PARVA: variants seen among roughly 807,000 people sequenced by gnomAD.
The protein encoded by PARVA is parvin alpha, also known as alpha-parvin.
In PARVA, 25 loss-of-function variants were observed where a neutral mutation model predicts 52.6. That is an observed-to-expected ratio of 0.48 (90% confidence interval 0.35 to 0.66). The LOEUF (loss-of-function observed/expected upper bound fraction) is 0.66. Ranked by LOEUF, PARVA falls within the 30% of genes least tolerant of loss-of-function variation. PARVA has a pLI of 0.01. For missense variants in PARVA, 373 were observed against 450.9 expected, an observed-to-expected ratio of 0.83 and a Z score of 1.56; for synonymous variants, 185 against 179.1, an observed-to-expected ratio of 1.03 and a Z score of -0.26.
At chr11:12,435,789 T>TTTG (rs894585917) in intron 1 of PARVA, among the ~76,000 whole-genome samples, 6 of 152,136 alleles carry the variant, frequency 3.9e-5, no homozygotes, top group South Asian at 4.2e-4. Context: ...TCTCTGTTTT[T>TTTG]TTGTTGTTGT....
chr11:12,519,940 G>A (rs998529168), intron 12 of PARVA, among the ~76,000 whole-genome samples: 2 of 152,192 alleles, frequency 1.3e-5, no homozygotes, highest in African/African-American at 4.8e-5. Flanking sequence ...CAGATGATGA[G>A]CACCCTGCTT....
chr11:12,397,461 A>G (rs1209779003), intron 1 of PARVA, among the ~76,000 whole-genome samples: 1 of 152,226 alleles, frequency 6.6e-6, no homozygotes, highest in African/African-American at 2.4e-5. Flanking sequence ...AAATTCTTAG[A>G]GGTGGAATTG....
intron 12 of PARVA, among the ~76,000 whole-genome samples, chr11:12,523,200 T>C (rs1485652722): frequency 6.6e-6 from 1 of 152,112 alleles, no homozygotes; most frequent in Admixed American, 6.5e-5. Context: ...AAAAGGAGCA[T>C]CTGTACAGCA....
At chr11:12,379,739 G>T (rs1939458195) in intron 1 of PARVA, among the ~76,000 whole-genome samples, 1 of 152,194 alleles carries the variant, frequency 6.6e-6, no homozygotes, top group African/African-American at 2.4e-5. Context: ...TCCCTAGATT[G>T]AAACGAGAAG....
intron 1 of PARVA, among the ~76,000 whole-genome samples, chr11:12,396,504 C>T (rs1042195699): frequency 2.0e-5 from 3 of 152,222 alleles, no homozygotes; most frequent in African/African-American, 7.2e-5. Context: ...ATCATTCTCT[C>T]TGAGCTCCAG....
At chr11:12,450,348 T>A (rs1940606101) in intron 1 of PARVA, among the ~76,000 whole-genome samples, 1 of 152,212 alleles carries the variant, frequency 6.6e-6, no homozygotes. Flanking sequence ...TTTGTGTATT[T>A]CTTAGATTAA....
intron 4 of PARVA, among the ~76,000 whole-genome samples, chr11:12,481,976 C>A (rs1041814228): frequency 1.3e-5 from 2 of 151,510 alleles, no homozygotes; most frequent in African/African-American, 4.9e-5. Flanking sequence ...TCGAGACCAG[C>A]CTGACCAACA....
chr11:12,531,937 TGA>T lies in PARVA; in HGVS notation c.*4014_*4015del, dbSNP rs949780537. Among the ~76,000 whole-genome samples the T allele has an allele frequency of 2.0e-5, 3 of 152,198 alleles. No homozygotes were observed. The highest frequency in any genetic ancestry group is 7.2e-5 in the African/African-American group (3 of 41,450). On this transcript the variant is annotated 3_prime_UTR_variant, in exon 13 of 13. Coordinates refer to ENST00000334956, the MANE Select transcript of PARVA (RefSeq NM_018222.5). ...GGTCTTACCAAAAGAAAAGTCAGTATGAGTTACTCACAATCCTAACTACAAAG... is the reference window on the plus strand; with the variant it reads ...GGTCTTACCAAAAGAAAAGTCAGTATGTTACTCACAATCCTAACTACAAAG...
At chr11:12,425,146 C>A (rs925120847) in intron 1 of PARVA, among the ~76,000 whole-genome samples, 17 of 152,144 alleles carry the variant, frequency 1.1e-4, no homozygotes, top group African/African-American at 3.9e-4. Flanking sequence ...TTCTGAGAAT[C>A]CATTAGGGGC....
At chr11:12,518,871 C>G (rs1045158395) in intron 12 of PARVA, among the ~76,000 whole-genome samples, 1 of 152,232 alleles carries the variant, frequency 6.6e-6, no homozygotes, top group Admixed American at 6.5e-5. Context: ...GGTGAAGGTG[C>G]AGCGCAGACA....
At chr11:12,511,603 G>C in intron 8 of PARVA, 70 bp downstream of exon 8, 1 of 1,505,146 alleles carries the variant, frequency 6.6e-7, no homozygotes, top group Non-Finnish European at 9.2e-7. Flanking sequence ...CGCAGCAGCT[G>C]GGAGGAACAG....
chr11:12,437,383 C>G (rs1203467111), intron 1 of PARVA, among the ~76,000 whole-genome samples: 1 of 152,236 alleles, frequency 6.6e-6, no homozygotes, highest in East Asian at 1.9e-4. Flanking sequence ...CCCCAGCCTC[C>G]TAAGCCTCCT....
intron 1 of PARVA, among the ~76,000 whole-genome samples, chr11:12,464,297 C>G (rs765697382): frequency 9.2e-5 from 14 of 152,206 alleles, no homozygotes; most frequent in Non-Finnish European, 1.6e-4. Flanking sequence ...ACTGATGTCT[C>G]TAACTCCAAT....
At chr11:12,416,428 A>G (rs1940068461) in intron 1 of PARVA, among the ~76,000 whole-genome samples, 1 of 152,206 alleles carries the variant, frequency 6.6e-6, no homozygotes. Context: ...ATTTACAGGA[A>G]ATAAGAAGTT....
intron 3 of PARVA, among the ~76,000 whole-genome samples, chr11:12,474,695 G>C (rs1395622157): frequency 6.6e-6 from 1 of 151,978 alleles, no homozygotes; most frequent in African/African-American, 2.4e-5. Flanking sequence ...TTAGCTGGTG[G>C]GTGGATCACT....
At chr11:12,449,982 TG>T (rs1366121127) in intron 1 of PARVA, among the ~76,000 whole-genome samples, 9 of 152,260 alleles carry the variant, frequency 5.9e-5, no homozygotes, top group African/African-American at 2.2e-4. Flanking sequence ...ATTCTTACCA[TG>T]TGCCAGGTAT....
At position 12,528,203 on chromosome 11, in the gene PARVA, T is replaced by C. The variant is rs1342911004; in HGVS notation, c.*278T>C. ...CCAGGTCCAGATTTCCCTCCATGAT[T>C]TGGGAACCAGCTTAGGCAAAAGAGT... On this transcript the variant is annotated 3_prime_UTR_variant, in exon 13 of 13. Coordinates refer to ENST00000334956, the MANE Select transcript of PARVA (RefSeq NM_018222.5). 1 of 498,690 alleles carries C rather than the reference T, an allele frequency of 2.0e-6. No homozygotes were observed. Among genetic ancestry groups the C allele is most frequent in the Non-Finnish European group, 3.6e-6 (1 of 277,628 alleles). The allele number at this position is 498,690 out of a possible 1,614,324, so 30.9% of individuals were successfully genotyped here.
At chr11:12,380,934 G>T (rs1038940043) in intron 1 of PARVA, among the ~76,000 whole-genome samples, 1 of 152,142 alleles carries the variant, frequency 6.6e-6, no homozygotes. Context: ...TTGGGTTTTT[G>T]AAACCAAGTG....
chr11:12,508,110 A>C (rs1391203518), intron 6 of PARVA, among the ~76,000 whole-genome samples: 8 of 127,678 alleles, frequency 6.3e-5, no homozygotes, highest in South Asian at 2.4e-4. Context: ...AAAAAAAAAA[A>C]AAAAAAAAAA....
Sources: allele counts gnomAD v4.1 joint callset (sites outside exome capture counted in the v4.1 genomes callset), GRCh38; gene constraint gnomAD v4.1.1; transcripts MANE v1.5; gene names NCBI Gene and HGNC (gene_info 2026-07-23, HGNC 2026-07-21).